FBN3: variants seen among roughly 807,000 people sequenced by gnomAD.
FBN3 encodes the protein fibrillin 3.
Under a neutral mutation model 330.1 loss-of-function variants are expected in FBN3, and 234 were observed. That is an observed-to-expected ratio of 0.71 (90% CI 0.64 to 0.79). The LOEUF is 0.79. Among genes scored for constraint, FBN3 ranks in the 30% least tolerant of loss-of-function variants. The probability of loss-of-function intolerance (pLI) is 0.00; values close to 1 mark genes in which losing one functional copy is unlikely to be tolerated. For missense variants in FBN3, 3,606 were observed against 3,886.9 expected (o/e 0.93, Z 1.92); for synonymous variants, 1,458 against 1,517.3 (o/e 0.96, Z 0.91).
chr19:8,102,814 A>G lies in FBN3; in HGVS notation c.4999T>C (p.Phe1667Leu). The G allele has an allele frequency of 6.2e-7, 1 of 1,614,142 alleles. No homozygotes were observed. Among genetic ancestry groups the G allele is most frequent in the Non-Finnish European group, 8.5e-7 (1 of 1,180,034 alleles). The change falls in exon 40 of 64, where the codon TTC becomes CTC. Residue 1667 changes from phenylalanine to leucine, a missense_variant. Coordinates refer to ENST00000600128, the MANE Select transcript of FBN3 (RefSeq NM_032447.5). ...CAACACATTTTCCGGGTCACGTTGA[A>G]GGCCAGCTCATTTTGACATGTGCCG... Reference protein sequence around the residue: ...YNGTCQNELAFNVTRKMCCCS... With the variant: ...YNGTCQNELALNVTRKMCCCS...
At position 8,109,189 on chromosome 19, in the gene FBN3, C is replaced by G. The variant is rs376883496; in HGVS notation, c.4618+38G>C. 6.3e-6 allele frequency: 10 copies of G among 1,597,872 alleles called. No homozygotes were observed. The highest frequency in any genetic ancestry group is 8.6e-6 in the Non-Finnish European group (10 of 1,168,248). Reference sequence around the variant, plus strand: ...CCCCTAAGCTCCCGGGCCTCGGTGGCTTAGGTCACGGTGTTCAACTGCCCC... The same window carrying G: ...CCCCTAAGCTCCCGGGCCTCGGTGGGTTAGGTCACGGTGTTCAACTGCCCC... On this transcript the variant is annotated intron_variant, in intron 36 of 63. Transcript: ENST00000600128. The surrounding 1 kb of genome is among the most constrained non-coding windows in gnomAD (Gnocchi z 5.2).
At chr19:8,071,854 C>T (rs1298182607) in intron 63 of FBN3, among the ~76,000 whole-genome samples, 194 bp downstream of exon 63, 1 of 152,070 alleles carries the variant, frequency 6.6e-6, no homozygotes, top group Non-Finnish European at 1.5e-5. Flanking sequence ...CCAGAGACCC[C>T]CCCCAAGAAA....
chr19:8,095,127 A>G (rs1429505104), intron 46 of FBN3, among the ~76,000 whole-genome samples: 1 of 151,612 alleles, frequency 6.6e-6, no homozygotes, highest in African/African-American at 2.4e-5. Flanking sequence ...AATAGCCACC[A>G]CTCCTGGCTA....
rs775621245 is a variant in FBN3 at position 8,096,891 on chromosome 19, C to G, written c.5403G>C (p.Gly1801=). Reference sequence around the variant, plus strand: ...AGGGACCCTGCTCACCCACACAAGCCCCGCCTGGCGACAGTTTGTACCCTC... The same window carrying G: ...AGGGACCCTGCTCACCCACACAAGCGCCGCCTGGCGACAGTTTGTACCCTC... ...CTRGYKLSPG[G]ACVGRNECRE... Residue 1801 remains glycine, a synonymous_variant, in exon 43 of 64, where the codon GGG becomes GGC. Transcript: ENST00000600128. The surrounding 1 kb of genome is among the most constrained non-coding windows in gnomAD (Gnocchi z 4.6). The G allele has an allele frequency of 5.6e-6, 9 of 1,613,368 alleles. No individual in the cohort carries two copies. The highest frequency in any genetic ancestry group is 7.6e-6 in the Non-Finnish European group (9 of 1,180,004).
At chr19:8,134,950 AATAAATATAAATATATAT>A (rs1169264453) in intron 13 of FBN3, among the ~76,000 whole-genome samples, 1 of 148,362 alleles carries the variant, frequency 6.7e-6, no homozygotes, top group Non-Finnish European at 1.5e-5. Flanking sequence ...TAAATATATA[AATAAATATAAATATATAT>A]ATTTTACATA....
intron 47 of FBN3, among the ~76,000 whole-genome samples, chr19:8,093,451 G>A (rs992221689): frequency 3.3e-5 from 5 of 152,006 alleles, no homozygotes; most frequent in South Asian, 2.1e-4. Flanking sequence ...GTGAAACCCC[G>A]TCTCTACTAA....
At chr19:8,123,208 G>A (rs1458160400) in intron 24 of FBN3, among the ~76,000 whole-genome samples, 1 of 152,180 alleles carries the variant, frequency 6.6e-6, no homozygotes, top group East Asian at 1.9e-4. Context: ...TACAAAATTA[G>A]CCAGGCATGG....
intron 48 of FBN3, 72 bp downstream of exon 48, chr19:8,091,393 C>T: frequency 6.4e-7 from 1 of 1,568,016 alleles, no homozygotes; most frequent in Non-Finnish European, 8.7e-7. Context: ...AACCACAGCC[C>T]TCTTTTCTGG....
intron 18 of FBN3, among the ~76,000 whole-genome samples, chr19:8,128,364 G>A (rs1346463707): frequency 6.6e-6 from 1 of 152,168 alleles, no homozygotes; most frequent in Non-Finnish European, 1.5e-5. Flanking sequence ...AGGAGTTCGA[G>A]ACCAGCCTGG....
chr19:8,092,920 G>A (rs1169805620), intron 47 of FBN3, among the ~76,000 whole-genome samples: 1 of 151,916 alleles, frequency 6.6e-6, no homozygotes, highest in Non-Finnish European at 1.5e-5. Context: ...AGGATGGGAG[G>A]GGGGTGAGGG....
intron 46 of FBN3, 128 bp from the exon 47 acceptor site, chr19:8,094,693 T>G: frequency 9.4e-7 from 1 of 1,060,718 alleles, no homozygotes; most frequent in Non-Finnish European, 1.3e-6. Context: ...CCAGTGGCAA[T>G]TCTGGCTCCA....
In FBN3 at chr19:8,126,667, T is replaced by C. The variant is rs757102387; in HGVS notation, c.2416+46A>G. On this transcript the variant is annotated intron_variant, in intron 19 of 63. Transcript: ENST00000600128. ...GGCCCTACACCTGCACCCTGACCCA[T>C]AGACGCCCAGCCTCTGGAACGCCGT... is the stretch of plus-strand genomic sequence containing the variant. The C allele has an allele frequency of 7.5e-6, 12 of 1,590,604 alleles. No individual in the cohort carries two copies. In the African/African-American group the frequency reaches 9.4e-5, roughly 12 times the overall value.
chr19:8,109,528 C>T lies in FBN3; in HGVS notation c.4456+103G>A. 1.3e-6 allele frequency: 2 copies of T among 1,538,672 alleles called. No homozygotes were observed. Among genetic ancestry groups the T allele is most frequent in the Non-Finnish European group, 1.8e-6 (2 of 1,131,040 alleles). On this transcript the variant is annotated intron_variant, in intron 35 of 63. Transcript: ENST00000600128. The surrounding 1 kb of genome is among the most constrained non-coding windows in gnomAD (Gnocchi z 5.2). ...CAGCAGATGTCCCGTTTGTCAGGAG[C>T]AGGTAGATTTGAACACGTTGACATC...
chr19:8,073,377 G>A, intron 61 of FBN3, 80 bp from the exon 62 acceptor site: 2 of 1,171,426 alleles, frequency 1.7e-6, no homozygotes, highest in Non-Finnish European at 2.4e-6. Context: ...CCCTCCACCT[G>A]GAATGCTGTA....
intron 30 of FBN3, among the ~76,000 whole-genome samples, chr19:8,112,489 AC>A (rs1158352709): frequency 2.0e-4 from 1 of 4,966 alleles, no homozygotes; most frequent in African/African-American, 2.6e-4. Context: ...TACTAAAAAT[AC>A]AAAAAAAAAA....
chr19:8,115,846 TCA>T (rs143177725), intron 29 of FBN3, among the ~76,000 whole-genome samples: 5,363 of 151,844 alleles, frequency 0.035, 161 homozygotes, highest in Admixed American at 0.094. Flanking sequence ...TGTGAGCGTT[TCA>T]CAGTGTACAT....
chr19:8,081,405 C>A lies in FBN3; in HGVS notation c.7289G>T (p.Ser2430Ile), dbSNP rs1348043898. ...CKNTKGSFLCSCPRGYLLEED... is the reference protein window; with the variant it reads ...CKNTKGSFLCICPRGYLLEED... The stretch of plus-strand genomic sequence containing the variant: ...CTCCAGCAGGTAGCCTCGGGGACAG[C>A]TGCACAGGAAACTGCCCTTCGTGTT... The change falls in exon 58 of 64, where the codon AGC becomes ATC. Residue 2430 changes from serine (S) to isoleucine (I), a missense_variant. Ser to Ile is a moderately radical substitution (Grantham distance 142). Transcript: ENST00000600128. The A allele has an allele frequency of 6.2e-7, 1 of 1,612,326 alleles. No individual in the cohort carries two copies. Among genetic ancestry groups the A allele is most frequent in the Non-Finnish European group, 8.5e-7 (1 of 1,179,176 alleles).
Position 8,109,091 on chromosome 19 carries a change from A to G in FBN3, c.4618+136T>C. ...GACGTACACTGTGTGACCCAGGATG[A>G]GCCCCTCTCCTCCCCCAGTTCTTGG... is the stretch of plus-strand genomic sequence containing the variant. On this transcript the variant is annotated intron_variant, in intron 36 of 63. Coordinates refer to ENST00000600128, the MANE Select transcript of FBN3 (RefSeq NM_032447.5). This position sits in a 1 kb window ranked among gnomAD's most constrained non-coding sequence, Gnocchi z 5.2. 1.3e-6 allele frequency: 1 copy of G among 764,734 alleles called. No individual in the cohort carries two copies. Among genetic ancestry groups the G allele is most frequent in the Non-Finnish European group, 2.1e-6 (1 of 480,688 alleles). The allele number at this position is 764,734 out of a possible 1,614,324, so 47.4% of individuals were successfully genotyped here.
At position 8,119,009 on chromosome 19, in the gene FBN3, A is replaced by G; in HGVS notation, c.3225T>C (p.Cys1075=). 1 of 1,602,994 alleles carries G rather than the reference A, an allele frequency of 6.2e-7. No individual in the cohort carries two copies. The highest frequency in any genetic ancestry group is 8.5e-7 in the Non-Finnish European group (1 of 1,171,270). The change falls in exon 26 of 64, where the codon TGT becomes TGC. Residue 1075 remains cysteine, a synonymous_variant. Transcript: ENST00000600128. The part of the protein sequence containing the change: ...LMKNCMDVDE[C]ARDPLLCRGG... Reference sequence around the variant, plus strand: ...CCCGGCAGAGCAGCGGGTCCCTTGCACACTCGTCCACGTCTGAAGGTTTGT... The same window carrying G: ...CCCGGCAGAGCAGCGGGTCCCTTGCGCACTCGTCCACGTCTGAAGGTTTGT...
Sources: gnomAD v4.1 joint callset for allele counts (sites outside exome capture counted in the v4.1 genomes callset) on GRCh38, gnomAD v4.1.1 for gene constraint, Gnocchi (gnomAD v3.1) non-coding constraint, MANE v1.5 for transcripts, NCBI Gene and HGNC (gene_info 2026-07-23, HGNC 2026-07-21) for gene names.